MORN5: variants seen among roughly 807,000 people sequenced by gnomAD.
MORN5 encodes the protein MORN repeat-containing protein 5.
A neutral mutation model predicts 22.1 loss-of-function variants in MORN5; 21 were observed. That is an observed-to-expected ratio of 0.95 (90% confidence interval 0.67 to 1.37). MORN5 has a LOEUF of 1.37. Ranked by LOEUF, MORN5 falls within the 40% of genes most tolerant of loss-of-function variation. The pLI, the probability that MORN5 is intolerant of heterozygous loss-of-function variation, is 0.00. For missense variants in MORN5, 211 were observed against 215.1 expected (o/e 0.98, Z 0.12); for synonymous variants, 73 against 74.0 (o/e 0.99, Z 0.07).
intron 4 of MORN5, 83 bp downstream of exon 4, chr9:122,174,710 C>G (rs1382752070): frequency 6.2e-7 from 1 of 1,607,668 alleles, no homozygotes; most frequent in Non-Finnish European, 8.5e-7. Flanking sequence ...TGTATGCACA[C>G]ACTTGATGAG....
intron 4 of MORN5, among the ~76,000 whole-genome samples, chr9:122,185,718 T>G (rs1036499299): frequency 4.6e-5 from 7 of 152,330 alleles, no homozygotes; most frequent in African/African-American, 1.7e-4. Flanking sequence ...TTGAAGCCAC[T>G]GCCTTCCCCT....
In MORN5 at chr9:122,197,890, G is replaced by T. The variant is rs576397041; in HGVS notation, c.440-1995G>T. On this transcript the variant is annotated intron_variant, in intron 4 of 4. Transcript: ENST00000373764. This position sits in a 1 kb window ranked among gnomAD's most constrained non-coding sequence, Gnocchi z 5.7. ...TTCCCCACCCCTGGATTTCCCAGCC[G>T]CAGCAGGGACTCCCAGGCAGCCTCC... Among the ~76,000 whole-genome samples, 2 of 152,178 alleles carry T rather than the reference G, an allele frequency of 1.3e-5. No individual in the cohort carries two copies. Among genetic ancestry groups the T allele is most frequent in the African/African-American group, 4.8e-5 (2 of 41,444 alleles).
Position 122,174,523 on chromosome 9 carries a change from C to G in MORN5, c.335C>G (p.Pro112Arg), listed in dbSNP as rs140247041. 15 of 1,614,084 alleles carry G rather than the reference C, an allele frequency of 9.3e-6. No homozygotes were observed. Among genetic ancestry groups the G allele is most frequent in the Non-Finnish European group, 1.3e-5 (15 of 1,180,002 alleles). Residue 112 changes from proline to arginine, a missense_variant, in exon 4 of 5, where the codon CCA becomes CGA. Transcript: ENST00000373764. ...ATGGCTCAACTCACCAATATGGACC[C>G]ACCTAGAAAAATCCCCAAGGGCTAT... ...AGMAQLTNMD[P>R]PRKIPKGYYD... is the part of the protein sequence containing the mutation.
intron 4 of MORN5, among the ~76,000 whole-genome samples, chr9:122,192,205 A>G (rs1829785622): frequency 6.6e-6 from 1 of 152,250 alleles, no homozygotes; most frequent in Non-Finnish European, 1.5e-5. Flanking sequence ...GTGTTGCCAC[A>G]TGAGCCCTGA....
intron 1 of MORN5, chr9:122,164,642 T>C: frequency 1.0e-6 from 1 of 985,388 alleles, no homozygotes; most frequent in African/African-American, 1.7e-5. Context: ...TGATGTCCAG[T>C]TCAAGGTAAG....
At chr9:122,170,707 T>G (rs7853089) in intron 3 of MORN5, among the ~76,000 whole-genome samples, 78,080 of 152,012 alleles carry the variant, frequency 0.51, 20,766 homozygotes, top group Middle Eastern at 0.58. Flanking sequence ...GAGGTCCTCT[T>G]TATCATGCTA....
chr9:122,168,002 A>G (rs79409497), intron 2 of MORN5, among the ~76,000 whole-genome samples: 7,789 of 152,214 alleles, frequency 0.051, 292 homozygotes, highest in African/African-American at 0.097. Flanking sequence ...TCCCTCTCAT[A>G]GGAACCTTGC....
rs1347928464 is a variant in MORN5 at position 122,197,830 on chromosome 9, C to T, written c.440-2055C>T. On this transcript the variant is annotated intron_variant, in intron 4 of 4. Transcript: ENST00000373764. This position sits in a 1 kb window ranked among gnomAD's most constrained non-coding sequence, Gnocchi z 5.7. Reference sequence around the variant, plus strand: ...GTGGCAAAAGTGGGCTCCACCAGCGCTTAACTCCTTGTGTGCTGACACATC... The same window carrying T: ...GTGGCAAAAGTGGGCTCCACCAGCGTTTAACTCCTTGTGTGCTGACACATC... Among the ~76,000 whole-genome samples the T allele has an allele frequency of 6.6e-6, 1 of 152,208 alleles. No homozygotes were observed. The highest frequency in any genetic ancestry group is 1.5e-5 in the Non-Finnish European group (1 of 68,038).
chr9:122,190,989 A>G (rs1829749898), intron 4 of MORN5, among the ~76,000 whole-genome samples: 1 of 152,212 alleles, frequency 6.6e-6, no homozygotes, highest in South Asian at 2.1e-4. Flanking sequence ...CCCAGCCTGG[A>G]GTCCTCTGAG....
At chr9:122,161,662 G>A (rs1426352611) in intron 1 of MORN5, among the ~76,000 whole-genome samples, 1 of 152,258 alleles carries the variant, frequency 6.6e-6, no homozygotes, top group African/African-American at 2.4e-5. Context: ...TTGGCAGATA[G>A]AGATGGGGTA....
chr9:122,189,840 T>G (rs779436586), intron 4 of MORN5, among the ~76,000 whole-genome samples: 2 of 152,118 alleles, frequency 1.3e-5, no homozygotes, highest in African/African-American at 2.4e-5. Context: ...TCTCCTGACC[T>G]CGTGATCTGC....
At chr9:122,174,738 T>C (rs770320340) in intron 4 of MORN5, 111 bp downstream of exon 4, 2 of 1,598,730 alleles carry the variant, frequency 1.3e-6, no homozygotes, top group African/African-American at 2.7e-5. Flanking sequence ...CTTTTGCTGA[T>C]AGAAGATGAA....
intron 1 of MORN5, among the ~76,000 whole-genome samples, chr9:122,165,731 C>T (rs528526159): frequency 2.4e-4 from 36 of 152,258 alleles, no homozygotes; most frequent in African/African-American, 7.5e-4. Context: ...GTGAGCCCCC[C>T]GAGGACAGGG....
chr9:122,188,667 A>T, intron 4 of MORN5, among the ~76,000 whole-genome samples: 1 of 152,238 alleles, frequency 6.6e-6, no homozygotes, highest in East Asian at 1.9e-4. Context: ...GACAGCAGCT[A>T]GGCATCATGA....
intron 4 of MORN5, among the ~76,000 whole-genome samples, chr9:122,196,485 C>G (rs191818529): frequency 6.6e-6 from 1 of 152,158 alleles, no homozygotes; most frequent in East Asian, 1.9e-4. Context: ...AGGCACCCAC[C>G]ACCACGCCCA....
Position 122,169,572 on chromosome 9 carries a change from C to T in MORN5, c.196-73C>T, listed in dbSNP as rs563294352. On this transcript the variant is annotated intron_variant, in intron 2 of 4. Transcript: ENST00000373764. ...CAGCCATCAGAAAGGCCCCCACTTC[C>T]CTTGACATCTGAACCTCTTGGCCAA... 27 of 971,930 alleles carry T rather than the reference C, an allele frequency of 2.8e-5. No individual in the cohort carries two copies. The Admixed American group carries it at 3.5e-4, about 13-fold the overall frequency. The allele number at this position is 971,930 out of a possible 1,614,324, so 60.2% of individuals were successfully genotyped here.
intron 4 of MORN5, among the ~76,000 whole-genome samples, chr9:122,181,493 C>T (rs1829538237): frequency 6.6e-6 from 1 of 152,240 alleles, no homozygotes; most frequent in Non-Finnish European, 1.5e-5. Context: ...CTGCTGCTTA[C>T]ATTGGGACCA....
chr9:122,160,910 G>A (rs532053554), intron 1 of MORN5, among the ~76,000 whole-genome samples: 4 of 152,276 alleles, frequency 2.6e-5, no homozygotes, highest in Non-Finnish European at 5.9e-5. Flanking sequence ...AGTGGCTACC[G>A]AGTACCAGGC....
chr9:122,192,737 T>C (rs956347518), intron 4 of MORN5, among the ~76,000 whole-genome samples: 1 of 152,184 alleles, frequency 6.6e-6, no homozygotes, highest in African/African-American at 2.4e-5. Flanking sequence ...CTCCATGTGG[T>C]AGGGCTGCCC....
Sources: allele counts gnomAD v4.1 joint callset (sites outside exome capture counted in the v4.1 genomes callset), GRCh38; gene constraint gnomAD v4.1.1; non-coding constraint Gnocchi (gnomAD v3.1); transcripts MANE v1.5; gene names NCBI Gene and HGNC (gene_info 2026-07-23, HGNC 2026-07-21).